PRKDC: variants seen among roughly 807,000 people sequenced by gnomAD.
PRKDC encodes the protein protein kinase, DNA-activated, catalytic subunit.
In PRKDC, 82 loss-of-function variants were observed where a neutral mutation model predicts 486.9. The ratio of observed to expected loss-of-function variants is 0.17; its 90% CI spans 0.14 to 0.20. The LOEUF is 0.20. Among genes scored for constraint, PRKDC ranks in the 10% least tolerant of loss-of-function variants. The pLI is 1.00. For missense variants in PRKDC, 4,504 were observed against 5,038.2 expected (o/e 0.89, Z 3.21); for synonymous variants, 1,895 against 1,837.0 (o/e 1.03, Z -0.81).
chr8:47,817,036 T>C (rs1231559717), intron 68 of PRKDC, among the ~76,000 whole-genome samples: 1 of 152,186 alleles, frequency 6.6e-6, no homozygotes, highest in Admixed American at 6.5e-5. Flanking sequence ...AAGTGACACA[T>C]GACTGTGTAA....
intron 7 of PRKDC, among the ~76,000 whole-genome samples, chr8:47,944,907 T>G (rs996304937): frequency 1.1e-4 from 17 of 152,164 alleles, no homozygotes; most frequent in African/African-American, 3.9e-4. Context: ...TGCAGAATGG[T>G]GGCATAAATG....
intron 23 of PRKDC, 111 bp from the exon 24 acceptor site, chr8:47,914,175 G>T: frequency 1.1e-6 from 1 of 899,558 alleles, no homozygotes; most frequent in Non-Finnish European, 1.5e-6. Flanking sequence ...TTCTATTAAA[G>T]TGAAGCACTT....
At chr8:47,898,270 A>ACCTTATC (rs1236450474) in intron 29 of PRKDC, among the ~76,000 whole-genome samples, 200 bp downstream of exon 29, 4 of 152,240 alleles carry the variant, frequency 2.6e-5, no homozygotes, top group African/African-American at 9.6e-5. Flanking sequence ...AATACCTTAT[A>ACCTTATC]CCTTATCCCT....
intron 59 of PRKDC, among the ~76,000 whole-genome samples, chr8:47,833,988 G>A (rs553131691): frequency 1.3e-5 from 2 of 152,248 alleles, no homozygotes; most frequent in East Asian, 1.9e-4. Flanking sequence ...ACAATGGATC[G>A]AGTATAACTT....
chr8:47,919,934 G>A (rs1288611746), intron 21 of PRKDC, among the ~76,000 whole-genome samples: 1 of 152,106 alleles, frequency 6.6e-6, no homozygotes, highest in Non-Finnish European at 1.5e-5. Context: ...ATTAGAATGA[G>A]GGCAAGGAAC....
chr8:47,779,169 G>A lies in PRKDC; in HGVS notation c.11490-76C>T, dbSNP rs2086657940. The A allele has an allele frequency of 5.6e-6, 6 of 1,065,520 alleles. 1 individual carries two copies. Among genetic ancestry groups the A allele is most frequent in the South Asian group, 3.1e-5 (2 of 63,812 alleles). The allele number at this position is 1,065,520 out of a possible 1,614,324, so 66.0% of individuals were successfully genotyped here. A position where few individuals can be genotyped will look rare whatever the true frequency, so the allele number is the denominator to read the frequency against. On this transcript the variant is annotated intron_variant, in intron 80 of 85. Transcript: ENST00000314191. ...TGATTTCAAAGGCAAAGATCACCAA[G>A]AATTCATTGAAAAATAGCAAAGAGG... is the stretch of plus-strand genomic sequence containing the variant.
At chr8:47,775,513 A>G (rs931728972) in intron 85 of PRKDC, among the ~76,000 whole-genome samples, 1 of 151,064 alleles carries the variant, frequency 6.6e-6, no homozygotes, top group Non-Finnish European at 1.5e-5. Flanking sequence ...CTGGGATTAC[A>G]GGTGTGAGCC....
chr8:47,824,696 T>C (rs375498018), intron 63 of PRKDC, among the ~76,000 whole-genome samples: 3 of 152,200 alleles, frequency 2.0e-5, no homozygotes, highest in South Asian at 4.1e-4. Context: ...TCTCAATTTG[T>C]TGGAGCATTC....
intron 73 of PRKDC, 143 bp downstream of exon 73, chr8:47,798,094 G>T: frequency 2.3e-6 from 2 of 851,660 alleles, no homozygotes; most frequent in Non-Finnish European, 3.3e-6. Context: ...AATTACCTAT[G>T]TCCTCAGAAT....
chr8:47,929,257 C>T (rs2090209812), intron 18 of PRKDC, 79 bp from the exon 19 acceptor site: 2 of 971,872 alleles, frequency 2.1e-6, no homozygotes, highest in African/African-American at 3.3e-5. Flanking sequence ...CCTAGCCTGT[C>T]TTCAGAGGGG....
chr8:47,927,487 A>G, intron 20 of PRKDC, 134 bp from the exon 21 acceptor site: 2 of 1,094,592 alleles, frequency 1.8e-6, no homozygotes, highest in Non-Finnish European at 2.6e-6. Flanking sequence ...TGGAGAGTTC[A>G]GTCCAGGTAA....
intron 36 of PRKDC, among the ~76,000 whole-genome samples, chr8:47,885,504 G>A (rs1486427268): frequency 6.6e-6 from 1 of 151,930 alleles, no homozygotes; most frequent in Non-Finnish European, 1.5e-5. Context: ...TTCTGAGTTT[G>A]TTAAAAGCAA....
intron 56 of PRKDC, among the ~76,000 whole-genome samples, chr8:47,838,570 C>T (rs983153747): frequency 6.6e-6 from 1 of 152,196 alleles, no homozygotes; most frequent in African/African-American, 2.4e-5. Context: ...TACAGTTACA[C>T]TACTGCACTC....
chr8:47,908,990 T>C (rs372945466), intron 25 of PRKDC, among the ~76,000 whole-genome samples: 2 of 152,302 alleles, frequency 1.3e-5, no homozygotes, highest in South Asian at 2.1e-4. Flanking sequence ...CATGTTCATC[T>C]CTATTAGTCC....
intron 85 of PRKDC, among the ~76,000 whole-genome samples, chr8:47,775,188 A>AAAATAAAT (rs8178263): frequency 6.6e-6 from 1 of 150,800 alleles, no homozygotes; most frequent in Non-Finnish European, 1.5e-5. Flanking sequence ...CTTTGTCTCA[A>AAAATAAAT]AAATAAATAA....
chr8:47,907,613 C>A (rs575701022), intron 25 of PRKDC, among the ~76,000 whole-genome samples: 1 of 144,950 alleles, frequency 6.9e-6, no homozygotes, highest in African/African-American at 2.6e-5. Flanking sequence ...GGGCTCACTG[C>A]GACCTCTGAC....
Position 47,823,934 on chromosome 8 carries a change from G to A in PRKDC, c.8846C>T (p.Thr2949Ile). 8 of 1,613,718 alleles carry A rather than the reference G, an allele frequency of 5.0e-6. No individual in the cohort carries two copies. The highest frequency in any genetic ancestry group is 5.9e-6 in the Non-Finnish European group (7 of 1,179,758). Residue 2949 changes from threonine to isoleucine, a missense_variant, in exon 64 of 86, where the codon ACA (threonine) becomes ATA (isoleucine). Thr to Ile is a moderately conservative substitution (Grantham distance 89). This residue lies in a region of PRKDC where 1,592 missense variants were observed against 1,724.6 expected (regional missense o/e 0.92). Transcript: ENST00000314191. The stretch of plus-strand genomic sequence containing the variant: ...TAATGCACTCTGAGTGATTTGCTTT[G>A]TTCCTATCTCACTGGTAAAAATCCC... ...LRGIFTSEIG[T>I]KQITQSALLA...
chr8:47,801,769 G>A (rs1270864409), intron 70 of PRKDC, among the ~76,000 whole-genome samples: 1 of 152,170 alleles, frequency 6.6e-6, no homozygotes, highest in African/African-American at 2.4e-5. Flanking sequence ...CTGAACCAGC[G>A]CTGGCTAAGT....
intron 40 of PRKDC, among the ~76,000 whole-genome samples, chr8:47,874,999 A>T (rs769354619): frequency 2.0e-5 from 3 of 152,102 alleles, no homozygotes; most frequent in Non-Finnish European, 4.4e-5. Context: ...TCAAGGCTGC[A>T]GTGAGCCTTG....
Sources: allele counts gnomAD v4.1 joint callset (sites outside exome capture counted in the v4.1 genomes callset), GRCh38; gene constraint gnomAD v4.1.1; regional missense constraint gnomAD v4.1.1; transcripts MANE v1.5; gene names NCBI Gene and HGNC (gene_info 2026-07-23, HGNC 2026-07-21).